CFAP54: variants seen among roughly 807,000 people sequenced by gnomAD.
The protein encoded by CFAP54 is cilia- and flagella-associated protein 54.
CFAP54 carries 290 observed loss-of-function variants against 370.4 expected under a neutral mutation model. That is an observed-to-expected ratio of 0.78 (90% CI 0.71 to 0.86). CFAP54 has a LOEUF of 0.86. Ranked by LOEUF, CFAP54 falls within the 40% of genes least tolerant of loss-of-function variation. The pLI is 0.00. For synonymous variants in CFAP54, 1,206 were observed against 1,236.5 expected (o/e 0.98, Z 0.52); for missense variants, 3,399 against 3,528.7 (o/e 0.96, Z 0.93).
intron 19 of CFAP54, among the ~76,000 whole-genome samples, chr12:96,570,068 C>T (rs574053282): frequency 6.6e-6 from 1 of 152,112 alleles, no homozygotes; most frequent in Non-Finnish European, 1.5e-5. Flanking sequence ...CCTCGACCTC[C>T]TGGGTTCAGC....
At chr12:96,537,015 A>G (rs116026886) in intron 12 of CFAP54, among the ~76,000 whole-genome samples, 2 of 151,578 alleles carry the variant, frequency 1.3e-5, no homozygotes, top group African/African-American at 4.9e-5. Context: ...ATTCAATTCA[A>G]TAAACACTTA....
At chr12:96,842,874 GA>G in intron 66 of CFAP54, among the ~76,000 whole-genome samples, 1 of 152,282 alleles carries the variant, frequency 6.6e-6, no homozygotes, top group South Asian at 2.1e-4. Flanking sequence ...AGAGTTAAAT[GA>G]AATAATTTAT....
intron 14 of CFAP54, among the ~76,000 whole-genome samples, chr12:96,541,438 A>G (rs1223601941): frequency 6.6e-6 from 1 of 151,990 alleles, no homozygotes; most frequent in Non-Finnish European, 1.5e-5. Context: ...GGTGCTGGCC[A>G]CCATGCCTGG....
At chr12:96,860,793 A>T in intron 66 of CFAP54, 26 bp from the exon 67 acceptor site, 2 of 1,500,572 alleles carry the variant, frequency 1.3e-6, no homozygotes, top group Non-Finnish European at 1.8e-6. Flanking sequence ...AATGCATTTC[A>T]TGAACACTTT....
At chr12:96,770,974 G>A (rs1311718550) in intron 60 of CFAP54, among the ~76,000 whole-genome samples, 1 of 152,252 alleles carries the variant, frequency 6.6e-6, no homozygotes, top group Non-Finnish European at 1.5e-5. Context: ...GAGTTGACAT[G>A]AGTGATGCCT....
chr12:96,655,667 AT>A (rs563987863), intron 36 of CFAP54, among the ~76,000 whole-genome samples: 4 of 151,966 alleles, frequency 2.6e-5, no homozygotes, highest in African/African-American at 7.3e-5. Context: ...AAACAATCTG[AT>A]TTTTTTTAAC....
rs996789719 is a variant in CFAP54 at position 96,613,458 on chromosome 12, A to C, written c.3640-8132A>C. Among the ~76,000 whole-genome samples the C allele has an allele frequency of 3.9e-5, 6 of 152,330 alleles. No homozygotes were observed. The East Asian group carries it at 9.6e-4, about 24-fold the overall frequency. On this transcript the variant is annotated intron_variant, in intron 26 of 67. Coordinates refer to ENST00000524981, the MANE Select transcript of CFAP54 (RefSeq NM_001306084.2). ...GACACCCTAGCATCACAATTAAAAG[A>C]ACTAGAGAAGCAAGAGCGAACACAT...
intron 43 of CFAP54, among the ~76,000 whole-genome samples, chr12:96,690,209 ATT>A (rs1315298316): frequency 6.6e-6 from 1 of 152,174 alleles, no homozygotes; most frequent in Non-Finnish European, 1.5e-5. Flanking sequence ...AGCTGGTGGG[ATT>A]TATTTTAAAA....
chr12:96,534,066 A>G lies in CFAP54; in HGVS notation c.1544A>G (p.Gln515Arg), dbSNP rs1030934201. Residue 515 changes from glutamine (Q) to arginine (R), a missense_variant, in exon 11 of 68, where the codon CAG (glutamine) becomes CGG (arginine). Around this residue, in one of 3 missense-constraint regions of CFAP54, gnomAD observed 44 missense variants for 82.3 expected, o/e 0.53. Coordinates refer to ENST00000524981, the MANE Select transcript of CFAP54 (RefSeq NM_001306084.2). Reference sequence around the variant, plus strand: ...TGTGGGATATACTTCCCCAAGAGGCAGGATGATCCAGAGTCAAAGAAAGCA... The same window carrying G: ...TGTGGGATATACTTCCCCAAGAGGCGGGATGATCCAGAGTCAAAGAAAGCA... ...AVHLIYFLQR[Q>R]DDPESKKAEK... 6.6e-7 allele frequency: 1 copy of G among 1,518,904 alleles called. No homozygotes were observed. The highest frequency in any genetic ancestry group is 8.8e-7 in the Non-Finnish European group (1 of 1,139,968). 94.1% of individuals were successfully genotyped at this position (1,518,904 alleles called of 1,614,324 possible). A position where few individuals can be genotyped will look rare whatever the true frequency, so the allele number is the denominator to read the frequency against.
chr12:96,786,812 T>C lies in CFAP54; in HGVS notation c.8593T>C (p.Cys2865Arg), dbSNP rs569802225. Residue 2865 changes from cysteine to arginine, a missense_variant, in exon 62 of 68, where the codon TGT becomes CGT. By Grantham distance (180) the Cys-to-Arg change is radical. Coordinates refer to ENST00000524981, the MANE Select transcript of CFAP54 (RefSeq NM_001306084.2). ...KKFLQLYSSS[C>R]IDEFPKELLC... ...ATTCTTACAGCTGTATTCTTCTTCT[T>C]GTATTGATGAATTTCCAAAAGAACT... 9.8e-6 allele frequency: 15 copies of C among 1,535,818 alleles called. No homozygotes were observed. The African/African-American group carries it at 1.6e-4, about 17-fold the overall frequency.
intron 63 of CFAP54, among the ~76,000 whole-genome samples, chr12:96,792,929 A>T (rs564808013): frequency 6.6e-6 from 1 of 151,870 alleles, no homozygotes; most frequent in East Asian, 1.9e-4. Context: ...TCTGAGATAA[A>T]CTCAAATTGG....
At chr12:96,631,721 T>C (rs1258610144) in intron 32 of CFAP54, among the ~76,000 whole-genome samples, 1 of 149,046 alleles carries the variant, frequency 6.7e-6, no homozygotes, top group East Asian at 1.9e-4. Flanking sequence ...GCATATATCA[T>C]ATAATATATA....
chr12:96,675,782 C>T (rs963569336), intron 39 of CFAP54, among the ~76,000 whole-genome samples: 5 of 151,976 alleles, frequency 3.3e-5, no homozygotes, highest in South Asian at 2.1e-4. Flanking sequence ...GTTCATGTCC[C>T]TTGTAGGGAC....
In CFAP54 at chr12:96,817,820, T is replaced by A; in HGVS notation, c.9003T>A (p.Ala3001=). ...HEKLSNLAQI[A]ELSLPAAPEI... ...AATTATCTAATCTTGCTCAAATAGC[T>A]GAACTATCATTGCCAGCAGCTCCTG... Residue 3001 remains alanine (A), a synonymous_variant, in exon 65 of 68, where the codon GCT becomes GCA. Coordinates refer to ENST00000524981, the MANE Select transcript of CFAP54 (RefSeq NM_001306084.2). 6.6e-7 allele frequency: 1 copy of A among 1,512,316 alleles called. No homozygotes were observed. Among genetic ancestry groups the A allele is most frequent in the Non-Finnish European group, 8.8e-7 (1 of 1,133,496 alleles). The allele number at this position is 1,512,316 out of a possible 1,614,324, so 93.7% of individuals were successfully genotyped here. A position where few individuals can be genotyped will look rare whatever the true frequency, so the allele number is the denominator to read the frequency against.
chr12:96,618,541 A>T (rs17324768), intron 26 of CFAP54, among the ~76,000 whole-genome samples: 2 of 152,052 alleles, frequency 1.3e-5, no homozygotes, highest in Non-Finnish European at 2.9e-5. Flanking sequence ...TCCTCTGTGG[A>T]CAGGAAGCAA....
chr12:96,500,469 T>C (rs1955013613), intron 1 of CFAP54, among the ~76,000 whole-genome samples: 1 of 152,180 alleles, frequency 6.6e-6, no homozygotes, highest in South Asian at 2.1e-4. Flanking sequence ...TGTGTCAATG[T>C]AGGTTCATCA....
intron 14 of CFAP54, among the ~76,000 whole-genome samples, chr12:96,541,414 T>C (rs1955570542): frequency 6.6e-6 from 1 of 151,782 alleles, no homozygotes; most frequent in African/African-American, 2.4e-5. Context: ...GCCTCCCGAG[T>C]AGCTGGGATT....
intron 50 of CFAP54, among the ~76,000 whole-genome samples, chr12:96,737,481 A>G (rs1017166387): frequency 3.4e-5 from 5 of 145,532 alleles, no homozygotes; most frequent in Non-Finnish European, 7.5e-5. Context: ...TATATTTTAT[A>G]TATATATATG....
chr12:96,753,180 T>C lies in CFAP54; in HGVS notation c.7685-563T>C, dbSNP rs894554714. 2.6e-5 allele frequency among the ~76,000 whole-genome samples: 4 copies of C among 152,350 alleles called. No homozygotes were observed. In the East Asian group the frequency reaches 7.7e-4, roughly 29 times the overall value. ...CAGATAAAGTCTAATGTCTCTTCCA[T>C]ACAATGGTTTTTTAAGTAAAAACAT... On this transcript the variant is annotated intron_variant, in intron 55 of 67. Transcript: ENST00000524981.
Sources: gnomAD v4.1 joint callset for allele counts (sites outside exome capture counted in the v4.1 genomes callset) on GRCh38, gnomAD v4.1.1 for gene constraint, gnomAD v4.1.1 regional missense constraint, MANE v1.5 for transcripts, NCBI Gene and HGNC (gene_info 2026-07-23, HGNC 2026-07-21) for gene names.